Variants in TNRC6A observed in about 807,000 individuals in gnomAD.
TNRC6A encodes trinucleotide repeat containing adaptor 6A, also known as trinucleotide repeat-containing gene 6A protein.
TNRC6A carries 44 observed loss-of-function variants against 221.2 expected under a neutral mutation model. The ratio of observed to expected loss-of-function variants is 0.20; its 90% confidence interval spans 0.16 to 0.26. TNRC6A has a LOEUF of 0.26. Ranked by LOEUF, TNRC6A falls within the 10% of genes least tolerant of loss-of-function variation. TNRC6A has a pLI of 1.00. For synonymous variants in TNRC6A, 847 were observed against 838.5 expected (o/e 1.01, Z -0.18); for missense variants, 2,199 against 2,404.4 (o/e 0.91, Z 1.79).
rs770526289 is a variant in TNRC6A, at chr16:24,815,232, T to C, written c.4758T>C (p.Pro1586=). The part of the protein sequence containing the change: ...FMNSSTSPAS[P]PGSIGDGWPR... Reference sequence around the variant, plus strand: ...ACAGCAGTACTTCACCAGCCAGTCCTCCAGGTTCAATAGGAGATGGCTGGC... The same window carrying C: ...ACAGCAGTACTTCACCAGCCAGTCCCCCAGGTTCAATAGGAGATGGCTGGC... The change falls in exon 19 of 25, where the codon CCT becomes CCC. Residue 1586 remains proline, a synonymous_variant. Transcript: ENST00000395799. The C allele has an allele frequency of 6.2e-7, 1 of 1,614,260 alleles. No homozygotes were observed. The highest frequency in any genetic ancestry group is 1.1e-5 in the South Asian group (1 of 91,084).
At chr16:24,701,041 A>G (rs2055963661) in intron 2 of TNRC6A, among the ~76,000 whole-genome samples, 1 of 152,246 alleles carries the variant, frequency 6.6e-6, no homozygotes, top group South Asian at 2.1e-4. Flanking sequence ...GACTTGGGTC[A>G]GCCCTAGCCC....
intron 4 of TNRC6A, among the ~76,000 whole-genome samples, chr16:24,763,060 T>C (rs2057396985): frequency 6.6e-6 from 1 of 152,160 alleles, no homozygotes; most frequent in Admixed American, 6.5e-5. Flanking sequence ...GGGTGAGGCA[T>C]TGGCTCTTAA....
intron 3 of TNRC6A, among the ~76,000 whole-genome samples, chr16:24,756,580 G>A (rs150205684): frequency 0.018 from 2,784 of 152,302 alleles, 44 homozygotes; most frequent in Non-Finnish European, 0.028. Context: ...TTGTTTTAAA[G>A]CATCTTTTTC....
chr16:24,812,865 G>A (rs112605126), intron 18 of TNRC6A, among the ~76,000 whole-genome samples: 52 of 138,876 alleles, frequency 3.7e-4, no homozygotes, highest in African/African-American at 1.3e-3. Flanking sequence ...GGAATTAATA[G>A]TACCTCTTGG....
chr16:24,753,755 A>G (rs181835436), intron 3 of TNRC6A, among the ~76,000 whole-genome samples: 68 of 152,274 alleles, frequency 4.5e-4, no homozygotes, highest in Admixed American at 2.0e-3. Context: ...TGGCACATAA[A>G]CTCACTACAG....
chr16:24,684,329 C>T (rs2055586421), intron 2 of TNRC6A, among the ~76,000 whole-genome samples: 1 of 152,022 alleles, frequency 6.6e-6, no homozygotes, highest in South Asian at 2.1e-4. Context: ...CACTTGGCCC[C>T]CAGGAGGTAG....
intron 2 of TNRC6A, among the ~76,000 whole-genome samples, chr16:24,735,801 G>A (rs773307625): frequency 2.0e-5 from 3 of 152,190 alleles, no homozygotes; most frequent in African/African-American, 7.2e-5. Flanking sequence ...TGCGTTATAT[G>A]TATTCTGTTC....
intron 22 of TNRC6A, 58 bp downstream of exon 22, chr16:24,820,418 C>G: frequency 6.7e-7 from 1 of 1,497,216 alleles, no homozygotes; most frequent in Non-Finnish European, 9.3e-7. Flanking sequence ...CTAACCAGTA[C>G]TAACAGTCGA....
intron 2 of TNRC6A, among the ~76,000 whole-genome samples, chr16:24,738,434 TAGC>T (rs950457185): frequency 3.3e-5 from 5 of 152,128 alleles, no homozygotes; most frequent in Non-Finnish European, 7.4e-5. Flanking sequence ...AACCCCATAA[TAGC>T]AGCCACTCCC....
intron 3 of TNRC6A, among the ~76,000 whole-genome samples, chr16:24,755,866 T>C (rs1404188789): frequency 6.6e-6 from 1 of 152,224 alleles, no homozygotes; most frequent in Non-Finnish European, 1.5e-5. Context: ...CAGAATCTTT[T>C]AATTATCTGT....
chr16:24,809,621 T>C (rs2058503535), intron 18 of TNRC6A, 140 bp downstream of exon 18: 1 of 1,092,490 alleles, frequency 9.2e-7, no homozygotes, highest in South Asian at 3.7e-5. Flanking sequence ...AAAAAGTTGT[T>C]ATTAAGTCTT....
At chr16:24,816,079 C>G (rs1339041543) in intron 19 of TNRC6A, 1 of 152,350 alleles carries the variant, frequency 6.6e-6, no homozygotes, top group African/African-American at 2.4e-5. Flanking sequence ...AATCCTAGCA[C>G]TTTGGGAGGC....
chr16:24,713,375 G>T (rs1040575659), intron 2 of TNRC6A, among the ~76,000 whole-genome samples: 2 of 152,008 alleles, frequency 1.3e-5, no homozygotes, highest in Admixed American at 1.3e-4. Flanking sequence ...CAGAGATCAT[G>T]CCAGTGCACT....
intron 1 of TNRC6A, among the ~76,000 whole-genome samples, chr16:24,629,777 G>C (rs1327460371): frequency 6.6e-6 from 1 of 152,088 alleles, no homozygotes; most frequent in African/African-American, 2.4e-5. Context: ...CCAGGAGTTT[G>C]AGACCAGGCT....
chr16:24,799,081 C>T (rs1172545876), intron 11 of TNRC6A, among the ~76,000 whole-genome samples: 1 of 152,182 alleles, frequency 6.6e-6, no homozygotes, highest in Non-Finnish European at 1.5e-5. Flanking sequence ...TGCTGCCAAC[C>T]ACTGGCGAGG....
intron 2 of TNRC6A, among the ~76,000 whole-genome samples, chr16:24,745,672 C>T (rs902061342): frequency 1.3e-5 from 2 of 151,948 alleles, no homozygotes; most frequent in Admixed American, 6.6e-5. Context: ...TGTCATTTCT[C>T]CCTCTGTTGC....
At chr16:24,749,146 A>G (rs561257257) in intron 2 of TNRC6A, among the ~76,000 whole-genome samples, 7 of 152,286 alleles carry the variant, frequency 4.6e-5, no homozygotes, top group African/African-American at 1.7e-4. Context: ...GGTTGTTGGT[A>G]TTATGAATGA....
chr16:24,713,707 C>T (rs1197417878), intron 2 of TNRC6A, among the ~76,000 whole-genome samples: 1 of 151,976 alleles, frequency 6.6e-6, no homozygotes, highest in Admixed American at 6.6e-5. Flanking sequence ...AGTGCAGTGG[C>T]ATGATCTTGG....
At chr16:24,798,640 A>G (rs748277443) in intron 11 of TNRC6A, among the ~76,000 whole-genome samples, 2 of 152,236 alleles carry the variant, frequency 1.3e-5, no homozygotes, top group Non-Finnish European at 2.9e-5. Flanking sequence ...CCAAGACAGT[A>G]GATGGAAATA....
Sources: allele counts gnomAD v4.1 joint callset (sites outside exome capture counted in the v4.1 genomes callset), GRCh38; gene constraint gnomAD v4.1.1; transcripts MANE v1.5; gene names NCBI Gene and HGNC (gene_info 2026-07-23, HGNC 2026-07-21).